The following SIPA1L1 variants were observed in gnomAD, a reference collection of about 807,000 sequenced individuals.
SIPA1L1 encodes signal-induced proliferation-associated 1-like protein 1.
SIPA1L1 carries 26 observed loss-of-function variants against 162.7 expected under a neutral mutation model. The ratio of observed to expected loss-of-function variants is 0.16; its 90% CI spans 0.12 to 0.22. The LOEUF (loss-of-function observed/expected upper bound fraction) is 0.22, where lower values mean the gene tolerates loss of function less well. Among genes scored for constraint, SIPA1L1 ranks in the 10% least tolerant of loss-of-function variants. SIPA1L1 has a pLI of 1.00. For synonymous variants in SIPA1L1, 829 were observed against 837.4 expected (o/e 0.99, Z 0.17); for missense variants, 1,874 against 2,241.0 (o/e 0.84, Z 3.31).
intron 2 of SIPA1L1, among the ~76,000 whole-genome samples, chr14:71,485,379 A>T (rs1241610864): frequency 9.9e-5 from 15 of 152,194 alleles, no homozygotes; most frequent in Admixed American, 9.8e-4. Flanking sequence ...GTGAAGCTTC[A>T]TCTGTATTTA....
chr14:71,407,453 T>C (rs1448321656), intron 2 of SIPA1L1, among the ~76,000 whole-genome samples: 34 of 146,216 alleles, frequency 2.3e-4, no homozygotes, highest in Non-Finnish European at 5.1e-4. Flanking sequence ...CCCTTTCTTC[T>C]CTCCCTCCCT....
intron 4 of SIPA1L1, among the ~76,000 whole-genome samples, chr14:71,575,942 C>T (rs987979372): frequency 6.6e-6 from 1 of 152,134 alleles, no homozygotes; most frequent in African/African-American, 2.4e-5. Flanking sequence ...GGCATTTCTC[C>T]GTCAACACAG....
chr14:71,667,258 C>T (rs1344829017), intron 10 of SIPA1L1, among the ~76,000 whole-genome samples: 1 of 152,168 alleles, frequency 6.6e-6, no homozygotes, highest in East Asian at 1.9e-4. Flanking sequence ...TCCCCTTTCC[C>T]TCCATCTGAT....
chr14:71,370,972 A>G (rs995397244), intron 2 of SIPA1L1, among the ~76,000 whole-genome samples: 5 of 152,184 alleles, frequency 3.3e-5, no homozygotes, highest in Non-Finnish European at 7.3e-5. Flanking sequence ...ATACATTAAT[A>G]CTATAATATA....
chr14:71,430,722 ACT>A (rs2043924743), intron 2 of SIPA1L1, among the ~76,000 whole-genome samples: 1 of 151,782 alleles, frequency 6.6e-6, no homozygotes, highest in African/African-American at 2.4e-5. Flanking sequence ...TCACTTTGCG[ACT>A]CTGCTTCTTG....
rs528335503 is a variant in SIPA1L1, at chr14:71,534,652, A to G, written c.-303+5282A>G. On this transcript the variant is annotated intron_variant, in intron 4 of 23. Coordinates refer to ENST00000381232, the MANE Select transcript of SIPA1L1 (RefSeq NM_001386936.1). ...TGGAGTTAGGTGCCCCCTTTGTAAA[A>G]TGGAAAGCTTTACTAAACAGTGTGT... Among the ~76,000 whole-genome samples, 27 of 152,302 alleles carry G rather than the reference A, an allele frequency of 1.8e-4. No individual in the cohort carries two copies. In the South Asian group the frequency reaches 5.6e-3, roughly 32 times the overall value.
chr14:71,561,657 G>A (rs1424961465), intron 4 of SIPA1L1, among the ~76,000 whole-genome samples: 1 of 152,074 alleles, frequency 6.6e-6, no homozygotes, highest in Non-Finnish European at 1.5e-5. Context: ...GCATGGTCTC[G>A]GCTCACTGCA....
chr14:71,346,595 T>G (rs188454607), intron 2 of SIPA1L1, among the ~76,000 whole-genome samples: 20 of 152,294 alleles, frequency 1.3e-4, no homozygotes, highest in Middle Eastern at 3.4e-3. Flanking sequence ...GATTGTATGA[T>G]TGCAAGTCAT....
chr14:71,422,644 G>A (rs1435888943), intron 2 of SIPA1L1, among the ~76,000 whole-genome samples: 1 of 152,188 alleles, frequency 6.6e-6, no homozygotes, highest in Non-Finnish European at 1.5e-5. Flanking sequence ...CTGTGTTGTA[G>A]CATGTGTAAG....
At position 71,336,816 on chromosome 14, in the gene SIPA1L1, C is replaced by T. The variant is rs115837490; in HGVS notation, c.-465+15635C>T. ...CGAATTTCTTGCAGCTCTTAGAAGT[C>T]GTTTCTGATTCTTCCCTTTCTTTTA... On this transcript the variant is annotated intron_variant, in intron 2 of 23. Coordinates refer to ENST00000381232, the MANE Select transcript of SIPA1L1 (RefSeq NM_001386936.1). 2.2e-3 allele frequency among the ~76,000 whole-genome samples: 331 copies of T among 152,302 alleles called. 2 individuals carry two copies. The highest frequency in any genetic ancestry group is 7.2e-3 in the African/African-American group (301 of 41,570).
intron 8 of SIPA1L1, among the ~76,000 whole-genome samples, chr14:71,650,835 C>T (rs191800168): frequency 1.2e-3 from 177 of 152,240 alleles, no homozygotes; most frequent in African/African-American, 4.1e-3. Flanking sequence ...TTAAAAACTC[C>T]GGAAACTTAC....
intron 4 of SIPA1L1, among the ~76,000 whole-genome samples, chr14:71,556,492 C>T (rs550582444): frequency 1.3e-5 from 2 of 152,364 alleles, no homozygotes; most frequent in South Asian, 4.1e-4. Flanking sequence ...GGCCTCCAGA[C>T]TTCTGACTGA....
chr14:71,332,704 A>G (rs2034688802), intron 2 of SIPA1L1, among the ~76,000 whole-genome samples: 1 of 152,176 alleles, frequency 6.6e-6, no homozygotes, highest in Non-Finnish European at 1.5e-5. Context: ...TGATTGCTGG[A>G]GCTTTGAAGA....
At chr14:71,409,302 TC>T (rs1005556547) in intron 2 of SIPA1L1, among the ~76,000 whole-genome samples, 20 of 152,146 alleles carry the variant, frequency 1.3e-4, no homozygotes, top group African/African-American at 4.6e-4. Context: ...AGATTTTTTT[TC>T]CGTGGTGTGG....
intron 2 of SIPA1L1, among the ~76,000 whole-genome samples, chr14:71,344,142 A>C (rs1391518175): frequency 2.0e-5 from 3 of 152,206 alleles, no homozygotes; most frequent in African/African-American, 7.2e-5. Context: ...ATTTGAAGGA[A>C]GTATTTCCCT....
intron 2 of SIPA1L1, among the ~76,000 whole-genome samples, chr14:71,337,072 G>A (rs1000178272): frequency 1.3e-5 from 2 of 152,084 alleles, no homozygotes; most frequent in African/African-American, 4.8e-5. Flanking sequence ...AGTTACATGT[G>A]CCACCCTGGA....
At chr14:71,678,523 T>A (rs901815989) in intron 12 of SIPA1L1, among the ~76,000 whole-genome samples, 3 of 152,216 alleles carry the variant, frequency 2.0e-5, no homozygotes, top group Admixed American at 6.5e-5. Flanking sequence ...CTTTTTGATG[T>A]GCTGCTGGAT....
At chr14:71,330,432 C>G in intron 2 of SIPA1L1, 1 of 1,542,092 alleles carries the variant, frequency 6.5e-7, no homozygotes, top group Non-Finnish European at 9.0e-7. Flanking sequence ...TCTCAGCAGC[C>G]TTGCTGTGCT....
At chr14:71,372,758 G>A (rs981028466) in intron 2 of SIPA1L1, among the ~76,000 whole-genome samples, 2 of 152,040 alleles carry the variant, frequency 1.3e-5, no homozygotes, top group Non-Finnish European at 2.9e-5. Context: ...GAATGGCCTG[G>A]GGTGTCTGTA....
Sources: gnomAD v4.1 joint callset for allele counts (sites outside exome capture counted in the v4.1 genomes callset) on GRCh38, gnomAD v4.1.1 for gene constraint, MANE v1.5 for transcripts, NCBI Gene and HGNC (gene_info 2026-07-23, HGNC 2026-07-21) for gene names.